The following ARF4 variants were observed in gnomAD, a reference collection of about 807,000 sequenced individuals.
The protein encoded by ARF4 is ARF GTPase 4, also known as ADP-ribosylation factor 4.
In ARF4, 5 loss-of-function variants were observed where a neutral mutation model predicts 24.3. That is an observed-to-expected ratio of 0.21 (90% CI 0.11 to 0.43). The LOEUF is 0.43. Among genes scored for constraint, ARF4 ranks in the 20% least tolerant of loss-of-function variants. The pLI, the probability that ARF4 is intolerant of heterozygous loss-of-function variation, is 1.00. For missense variants in ARF4, 107 were observed against 213.0 expected (o/e 0.50, Z 3.10); for synonymous variants, 62 against 73.5 (o/e 0.84, Z 0.80).
chr3:57,587,319 CAAAAAAAAAAAA>C (rs56787111), intron 1 of ARF4, among the ~76,000 whole-genome samples: 4 of 45,408 alleles, frequency 8.8e-5, no homozygotes, highest in South Asian at 1.5e-3. Context: ...AACTCAGTCT[CAAAAAAAAAAAA>C]AAAAAAAAAA....
chr3:57,588,500 G>A (rs1262790181), intron 1 of ARF4, among the ~76,000 whole-genome samples: 1 of 152,034 alleles, frequency 6.6e-6, no homozygotes, highest in African/African-American at 2.4e-5. Flanking sequence ...CTGAGCTCAG[G>A]AGTTTGTGAC....
rs187152198 is a variant in ARF4, at chr3:57,589,133, G to A, written c.68-4669C>T. 5.8e-3 allele frequency among the ~76,000 whole-genome samples: 887 copies of A among 152,070 alleles called. 10 individuals carry two copies. The highest frequency in any genetic ancestry group is 0.02 in the African/African-American group (837 of 41,500). ...AAAAAAAAAATTAGCCGGTTGTGAT[G>A]GCACATGCCTGTAGTCCCAGCTACT... is the stretch of plus-strand genomic sequence containing the variant. On this transcript the variant is annotated intron_variant, in intron 1 of 5. Transcript: ENST00000303436.
rs937487055 is a variant in ARF4 at position 57,572,059 on chromosome 3, C to G, written c.*153G>C. On this transcript the variant is annotated 3_prime_UTR_variant, in exon 6 of 6. Transcript: ENST00000303436. ...CACATTGCTAAATAGCAACATTATA[C>G]TCGGTAAACAATAATTGGCAACAAA... 2 of 601,722 alleles carry G rather than the reference C, an allele frequency of 3.3e-6. No homozygotes were observed. Among genetic ancestry groups the G allele is most frequent in the Admixed American group, 2.9e-5 (1 of 34,598 alleles). The allele number at this position is 601,722 out of a possible 1,614,324, so 37.3% of individuals were successfully genotyped here.
chr3:57,580,336 T>C (rs2069954056), intron 3 of ARF4, among the ~76,000 whole-genome samples: 1 of 152,210 alleles, frequency 6.6e-6, no homozygotes, highest in Non-Finnish European at 1.5e-5. Context: ...TTAGCAAATA[T>C]GTCTCCTCCT....
chr3:57,597,285 C>G lies in ARF4; in HGVS notation c.-145G>C, dbSNP rs1326289754. On this transcript the variant is annotated 5_prime_UTR_variant, in exon 1 of 6. Coordinates refer to ENST00000303436, the MANE Select transcript of ARF4 (RefSeq NM_001660.4). ...GAGGGAGGCAGAAACGTCTCAGTGG[C>G]CCCTGTGCCGATGAAGATCCGGCAC... 1 of 726,454 alleles carries G rather than the reference C, an allele frequency of 1.4e-6. No homozygotes were observed. The highest frequency in any genetic ancestry group is 2.3e-6 in the Non-Finnish European group (1 of 438,308). 45.0% of individuals were successfully genotyped at this position (726,454 alleles called of 1,614,324 possible).
chr3:57,583,790 G>A (rs111830807), intron 3 of ARF4, 108 bp downstream of exon 3: 1 of 775,888 alleles, frequency 1.3e-6, no homozygotes, highest in Non-Finnish European at 2.1e-6. Context: ...TAAGACAAAT[G>A]CCAACTCATA....
intron 3 of ARF4, 48 bp from the exon 4 acceptor site, chr3:57,577,435 CTA>C: frequency 6.8e-7 from 1 of 1,465,434 alleles, no homozygotes; most frequent in Non-Finnish European, 9.6e-7. Flanking sequence ...ACGACACTCT[CTA>C]TATGAAACAG....
chr3:57,573,649 C>T (rs1028773078), intron 5 of ARF4, among the ~76,000 whole-genome samples: 2 of 152,242 alleles, frequency 1.3e-5, no homozygotes, highest in African/African-American at 2.4e-5. Context: ...GGCGTGATCT[C>T]GGCTCACTAC....
At chr3:57,596,129 A>C (rs570786611) in intron 1 of ARF4, among the ~76,000 whole-genome samples, 102 of 152,262 alleles carry the variant, frequency 6.7e-4, no homozygotes, top group Non-Finnish European at 3.2e-4. Context: ...ACTTCAGCCA[A>C]CTGACAGCCC....
intron 1 of ARF4, among the ~76,000 whole-genome samples, chr3:57,585,958 G>A (rs913703320): frequency 1.3e-5 from 2 of 152,020 alleles, no homozygotes; most frequent in African/African-American, 2.4e-5. Context: ...CACTGTGTCC[G>A]GCCTAAATTC....
intron 1 of ARF4, among the ~76,000 whole-genome samples, chr3:57,587,908 AAG>A (rs1354114430): frequency 6.6e-6 from 1 of 152,254 alleles, no homozygotes; most frequent in African/African-American, 2.4e-5. Context: ...AATGCAAATT[AAG>A]AGTTTTTGAA....
intron 3 of ARF4, among the ~76,000 whole-genome samples, chr3:57,582,311 C>T (rs577445380): frequency 5.3e-5 from 8 of 150,022 alleles, no homozygotes; most frequent in African/African-American, 1.5e-4. Context: ...GGTGTGATCT[C>T]GGCTCATCAC....
At chr3:57,577,456 G>T in intron 3 of ARF4, 69 bp from the exon 4 acceptor site, 1 of 1,235,210 alleles carries the variant, frequency 8.1e-7, no homozygotes, top group Non-Finnish European at 1.2e-6. Flanking sequence ...AGTGTAGGCA[G>T]CAAAATGGTA....
intron 1 of ARF4, among the ~76,000 whole-genome samples, chr3:57,589,023 A>G (rs1003132811): frequency 2.0e-5 from 3 of 151,146 alleles, no homozygotes; most frequent in African/African-American, 7.3e-5. Flanking sequence ...AATTGCTTGA[A>G]CCTGAGAGGC....
In ARF4 at chr3:57,571,819, A is replaced by G. The variant is rs937373796; in HGVS notation, c.*393T>C. ...GAGAAATAAATACAAATGGAATGCT[A>G]CATTTTTAAATTAGCAAACTGTCTC... On this transcript the variant is annotated 3_prime_UTR_variant, in exon 6 of 6. Transcript: ENST00000303436. The G allele has an allele frequency of 5.8e-6, 1 of 171,060 alleles. No individual in the cohort carries two copies. Among genetic ancestry groups the G allele is most frequent in the Non-Finnish European group, 1.3e-5 (1 of 79,332 alleles). The allele number at this position is 171,060 out of a possible 1,614,324, so 10.6% of individuals were successfully genotyped here. A position where few individuals can be genotyped will look rare whatever the true frequency, so the allele number is the denominator to read the frequency against.
At chr3:57,589,475 T>C (rs533501472) in intron 1 of ARF4, among the ~76,000 whole-genome samples, 72 of 152,118 alleles carry the variant, frequency 4.7e-4, no homozygotes, top group African/African-American at 1.6e-3. Flanking sequence ...ATCCCAGCAC[T>C]TTGGGAGGCT....
At chr3:57,579,286 C>T (rs907815259) in intron 3 of ARF4, among the ~76,000 whole-genome samples, 6 of 129,292 alleles carry the variant, frequency 4.6e-5, no homozygotes, top group Non-Finnish European at 8.0e-5. Flanking sequence ...AACTAGATTA[C>T]ATCCACTAAG....
intron 1 of ARF4, among the ~76,000 whole-genome samples, chr3:57,586,008 G>A (rs925215491): frequency 3.9e-5 from 6 of 152,036 alleles, no homozygotes; most frequent in African/African-American, 1.4e-4. Flanking sequence ...AAGTAGGGAG[G>A]AATGTGTTTG....
intron 5 of ARF4, among the ~76,000 whole-genome samples, chr3:57,572,509 T>G (rs561166528): frequency 3.3e-5 from 5 of 151,804 alleles, no homozygotes; most frequent in African/African-American, 1.2e-4. Flanking sequence ...TCACTTGAGC[T>G]TAGTAGTTCG....
Sources: allele counts gnomAD v4.1 joint callset (sites outside exome capture counted in the v4.1 genomes callset), GRCh38; gene constraint gnomAD v4.1.1; transcripts MANE v1.5; gene names NCBI Gene and HGNC (gene_info 2026-07-23, HGNC 2026-07-21).